CCDC171: variants seen among roughly 807,000 people sequenced by gnomAD.
CCDC171 encodes coiled-coil domain-containing protein 171.
A neutral mutation model predicts 168.2 loss-of-function variants in CCDC171; 177 were observed. The ratio of observed to expected loss-of-function variants is 1.05; its 90% CI spans 0.93 to 1.19. CCDC171 has a LOEUF of 1.19. CCDC171 is among the 50% of genes most tolerant of loss of function. The pLI, the probability that CCDC171 is intolerant of heterozygous loss-of-function variation, is 0.00. For synonymous variants in CCDC171, 687 were observed against 540.8 expected (o/e 1.27, Z -3.75); for missense variants, 1,991 against 1,539.0 (o/e 1.29, Z -4.91).
chr9:15,816,791 A>G (rs1204894309), intron 21 of CCDC171, among the ~76,000 whole-genome samples: 1 of 118,868 alleles, frequency 8.4e-6, no homozygotes, highest in East Asian at 2.1e-4. Context: ...AGATAATTTA[A>G]TAACCTTTTT....
At chr9:15,975,508 A>T (rs1831594126), downstream of CCDC171, among the ~76,000 whole-genome samples, 1 of 152,216 alleles carries the variant, frequency 6.6e-6, no homozygotes, top group Admixed American at 6.5e-5. Flanking sequence ...TTATGTAAAC[A>T]GTAACTGTGA....
the CCDC171 span, among the ~76,000 whole-genome samples, chr9:16,103,259 C>T: frequency 6.6e-6 from 1 of 152,132 alleles, no homozygotes; most frequent in African/African-American, 2.4e-5. Flanking sequence ...AGGGCACTCA[C>T]AGTCACCAGC....
chr9:15,979,013 C>T (rs1230245675), downstream of CCDC171, among the ~76,000 whole-genome samples: 2 of 152,060 alleles, frequency 1.3e-5, no homozygotes, highest in African/African-American at 4.8e-5. Context: ...ATCTGGCTTC[C>T]TTCATTGAGA....
At chr9:15,566,794 G>A (rs954413451) in intron 2 of CCDC171, among the ~76,000 whole-genome samples, 9 of 152,126 alleles carry the variant, frequency 5.9e-5, no homozygotes, top group Admixed American at 3.3e-4. Context: ...TCTTCTAGAA[G>A]TTTTATAATT....
chr9:16,071,711 C>T, the CCDC171 span, among the ~76,000 whole-genome samples: 1 of 152,188 alleles, frequency 6.6e-6, no homozygotes, highest in African/African-American at 2.4e-5. Flanking sequence ...TCTTTTATTC[C>T]TTCTTCTCTT....
At chr9:15,565,957 A>G (rs2039693671) in intron 2 of CCDC171, among the ~76,000 whole-genome samples, 1 of 152,216 alleles carries the variant, frequency 6.6e-6, no homozygotes, top group African/African-American at 2.4e-5. Flanking sequence ...TGGCTGGGTC[A>G]TTTTATATTA....
intron 25 of CCDC171, among the ~76,000 whole-genome samples, chr9:15,925,703 G>A (rs531633231): frequency 2.6e-5 from 4 of 151,662 alleles, no homozygotes; most frequent in African/African-American, 7.2e-5. Flanking sequence ...TGGAATGGGG[G>A]GAATATTGTG....
intron 21 of CCDC171, among the ~76,000 whole-genome samples, chr9:15,792,687 T>G (rs201651647): frequency 0.018 from 2,757 of 151,948 alleles, 92 homozygotes; most frequent in African/African-American, 0.061. Flanking sequence ...TTAAAGAAAA[T>G]AATTTTCAAC....
chr9:16,015,749 A>G (rs1832996181), intron 3 of CCDC171, among the ~76,000 whole-genome samples: 1 of 152,166 alleles, frequency 6.6e-6, no homozygotes. Context: ...TTCCCAACTG[A>G]AACTCTGTAC....
chr9:15,806,397 C>T (rs2059078977), intron 21 of CCDC171, among the ~76,000 whole-genome samples: 1 of 152,086 alleles, frequency 6.6e-6, no homozygotes, highest in South Asian at 2.1e-4. Flanking sequence ...ATATTTAGTG[C>T]TTTCTTCAGG....
At chr9:15,556,279 G>A (rs894447566) in intron 1 of CCDC171, among the ~76,000 whole-genome samples, 1 of 152,126 alleles carries the variant, frequency 6.6e-6, no homozygotes. Flanking sequence ...TGGGTCAAAT[G>A]GTATTTCTAG....
chr9:16,018,243 A>T (rs1227454714), intron 3 of CCDC171, among the ~76,000 whole-genome samples: 2 of 152,192 alleles, frequency 1.3e-5, no homozygotes, highest in Non-Finnish European at 2.9e-5. Flanking sequence ...AAGCTACCAG[A>T]GGCCAGAAAG....
intron 2 of CCDC171, among the ~76,000 whole-genome samples, chr9:15,568,353 C>G (rs1234410834): frequency 6.6e-6 from 1 of 150,432 alleles, no homozygotes; most frequent in African/African-American, 2.5e-5. Flanking sequence ...TCGCTGCAAG[C>G]TCCGCCTCCC....
At chr9:15,967,449 G>A (rs747776129) in intron 25 of CCDC171, among the ~76,000 whole-genome samples, 3 of 152,170 alleles carry the variant, frequency 2.0e-5, no homozygotes, top group Non-Finnish European at 4.4e-5. Flanking sequence ...TTAGAACAAC[G>A]TGCAATGTGC....
Position 15,594,033 on chromosome 9 carries a change from A to T in CCDC171, c.544-8A>T. The T allele has an allele frequency of 5.1e-6, 8 of 1,572,154 alleles. No individual in the cohort carries two copies. Among genetic ancestry groups the T allele is most frequent in the Non-Finnish European group, 6.9e-6 (8 of 1,155,844 alleles). On this transcript the variant is annotated splice_region_variant and splice_polypyrimidine_tract_variant and intron_variant, in intron 5 of 25. Coordinates refer to ENST00000380701, the MANE Select transcript of CCDC171 (RefSeq NM_173550.4). ...CTAACAGTAAAGCAAGATTTTATTT[A>T]TATAAAGGAAGCGTTGGAAAAACAT...
intron 1 of CCDC171, chr9:16,043,043 C>A (rs968373391): frequency 6.6e-6 from 1 of 152,024 alleles, no homozygotes; most frequent in African/African-American, 2.4e-5. Context: ...GGTGGCTTGC[C>A]CAGGTATCAG....
rs189200075 is a variant in CCDC171, at chr9:15,879,466, T to C, written c.3600+4803T>C. On this transcript the variant is annotated intron_variant, in intron 24 of 25. Transcript: ENST00000380701. The stretch of plus-strand genomic sequence containing the variant: ...ATTACAATTCTTCTCTTTTAGCTAT[T>C]TTGAAATATACAATAAATTATTGTT... Among the ~76,000 whole-genome samples, 15 of 152,292 alleles carry C rather than the reference T, an allele frequency of 9.8e-5. No homozygotes were observed. The East Asian group carries it at 2.9e-3, about 29-fold the overall frequency.
intron 21 of CCDC171, among the ~76,000 whole-genome samples, chr9:15,833,574 T>C (rs2060324597): frequency 6.6e-6 from 1 of 152,248 alleles, no homozygotes; most frequent in Non-Finnish European, 1.5e-5. Context: ...AATACAAATA[T>C]GCAATTTTAT....
chr9:16,075,402 A>G, the CCDC171 span, among the ~76,000 whole-genome samples: 1 of 151,974 alleles, frequency 6.6e-6, no homozygotes, highest in Admixed American at 6.6e-5. Context: ...CTGAATATAT[A>G]TATTATGCTT....
Sources: allele counts gnomAD v4.1 joint callset (sites outside exome capture counted in the v4.1 genomes callset), GRCh38; gene constraint gnomAD v4.1.1; transcripts MANE v1.5; gene names NCBI Gene and HGNC (gene_info 2026-07-23, HGNC 2026-07-21).